Variants in HEMK2 observed in about 807,000 individuals in gnomAD.
HEMK2 encodes the protein HemK methyltransferase 2, ETF1 glutamine and histone H4 lysine, also known as methyltransferase HEMK2.
At chr21:28,621,969 G>A in the HEMK2 span, among the ~76,000 whole-genome samples, 1 of 152,242 alleles carries the variant, frequency 6.6e-6, no homozygotes, top group African/African-American at 2.4e-5. Context: ...TTGGTTTAAA[G>A]TCTGTTTTAT....
At chr21:28,628,366 C>T in the HEMK2 span, among the ~76,000 whole-genome samples, 8,493 of 152,168 alleles carry the variant, frequency 0.056, 405 homozygotes, top group African/African-American at 0.13. Flanking sequence ...TTAAGAATTG[C>T]TTGTTTTGAC....
At chr21:28,628,985 T>C in the HEMK2 span, among the ~76,000 whole-genome samples, 2 of 152,168 alleles carry the variant, frequency 1.3e-5, no homozygotes, top group Non-Finnish European at 2.9e-5. Context: ...AACTTACCTG[T>C]TCATAAGAAT....
the HEMK2 span, among the ~76,000 whole-genome samples, chr21:28,782,543 C>A: frequency 6.6e-6 from 1 of 152,104 alleles, no homozygotes; most frequent in East Asian, 1.9e-4. Context: ...TTCTTCATGT[C>A]ATAAAAGGAG....
chr21:28,797,663 G>C, the HEMK2 span, among the ~76,000 whole-genome samples: 3 of 151,838 alleles, frequency 2.0e-5, no homozygotes, highest in Non-Finnish European at 4.4e-5. Flanking sequence ...CCAATTCTCA[G>C]TATTAAAAGA....
chr21:28,689,756 C>A, the HEMK2 span, among the ~76,000 whole-genome samples: 5 of 151,996 alleles, frequency 3.3e-5, no homozygotes, highest in African/African-American at 1.2e-4. Flanking sequence ...CATATGGGAC[C>A]AATGTGATCA....
the HEMK2 span, among the ~76,000 whole-genome samples, chr21:28,591,484 C>T: frequency 6.6e-6 from 1 of 152,172 alleles, no homozygotes; most frequent in Admixed American, 6.5e-5. Context: ...GACGTCCTTA[C>T]ATATGCAAAT....
At chr21:28,827,926 A>G in the HEMK2 span, among the ~76,000 whole-genome samples, 1 of 152,108 alleles carries the variant, frequency 6.6e-6, no homozygotes. Context: ...AGTATATATC[A>G]TCTCTGTCAA....
chr21:28,704,557 CAAAAAAA>C, the HEMK2 span, among the ~76,000 whole-genome samples: 10 of 129,678 alleles, frequency 7.7e-5, no homozygotes, highest in East Asian at 2.0e-4. Context: ...AAGGTTTTGG[CAAAAAAA>C]AAAAAAAAAA....
At chr21:28,658,103 C>T in the HEMK2 span, among the ~76,000 whole-genome samples, 30 of 152,078 alleles carry the variant, frequency 2.0e-4, no homozygotes, top group Middle Eastern at 3.4e-3. Flanking sequence ...CTCAAGTGTG[C>T]ATGTCAAATA....
chr21:28,594,281 T>C, the HEMK2 span, among the ~76,000 whole-genome samples: 2 of 152,082 alleles, frequency 1.3e-5, no homozygotes, highest in African/African-American at 4.8e-5. Context: ...TGTATGAAAT[T>C]CAGAGATAGA....
chr21:28,743,573 G>C, the HEMK2 span, among the ~76,000 whole-genome samples: 4 of 151,792 alleles, frequency 2.6e-5, no homozygotes, highest in Non-Finnish European at 2.9e-5. Context: ...GTGAAGGAAG[G>C]AGAGAAGGTG....
the HEMK2 span, among the ~76,000 whole-genome samples, chr21:28,720,689 C>T: frequency 6.6e-6 from 1 of 152,104 alleles, no homozygotes; most frequent in Admixed American, 6.5e-5. Flanking sequence ...GCCGAGATTG[C>T]GCCACTGCAC....
At chr21:28,630,750 AG>A in the HEMK2 span, among the ~76,000 whole-genome samples, 1 of 122,488 alleles carries the variant, frequency 8.2e-6, no homozygotes, top group Non-Finnish European at 1.6e-5. Flanking sequence ...GGACACAGGA[AG>A]GGGAACATCA....
the HEMK2 span, among the ~76,000 whole-genome samples, chr21:28,665,171 A>T: frequency 2.6e-5 from 4 of 151,130 alleles, no homozygotes; most frequent in Non-Finnish European, 5.9e-5. Flanking sequence ...TATGGGTCTC[A>T]GCTACTCAGG....
chr21:28,676,874 A>G, the HEMK2 span, among the ~76,000 whole-genome samples: 14 of 152,368 alleles, frequency 9.2e-5, no homozygotes, highest in Non-Finnish European at 7.3e-5. Context: ...GAGTCCTACA[A>G]CAATATAATT....
the HEMK2 span, among the ~76,000 whole-genome samples, chr21:28,883,354 T>A: frequency 6.6e-6 from 1 of 152,184 alleles, no homozygotes; most frequent in Non-Finnish European, 1.5e-5. Context: ...TTAAAAAGTA[T>A]GGAAAAATGT....
the HEMK2 span, among the ~76,000 whole-genome samples, chr21:28,700,522 C>T: frequency 6.6e-6 from 1 of 152,156 alleles, no homozygotes; most frequent in Non-Finnish European, 1.5e-5. Flanking sequence ...ATGAACACTG[C>T]TATGCACGCA....
the HEMK2 span, among the ~76,000 whole-genome samples, chr21:28,829,400 T>C: frequency 6.6e-6 from 1 of 152,210 alleles, no homozygotes; most frequent in Non-Finnish European, 1.5e-5. Flanking sequence ...TATGAATAGA[T>C]GAATGTGTGG....
chr21:28,736,743 C>CA, the HEMK2 span, among the ~76,000 whole-genome samples: 1 of 150,338 alleles, frequency 6.7e-6, no homozygotes, highest in African/African-American at 2.5e-5. Context: ...CCAGCCTGGG[C>CA]AACAGAGTGA....
Sources: allele counts gnomAD v4.1 joint callset (sites outside exome capture counted in the v4.1 genomes callset), GRCh38; gene constraint gnomAD v4.1.1; transcripts MANE v1.5; gene names NCBI Gene and HGNC (gene_info 2026-07-23, HGNC 2026-07-21).